The following CDH13 variants were observed in gnomAD, a reference collection of about 807,000 sequenced individuals.
CDH13 encodes cadherin 13.
A neutral mutation model predicts 63.8 loss-of-function variants in CDH13; 24 were observed. The ratio of observed to expected loss-of-function variants is 0.38; its 90% confidence interval spans 0.27 to 0.53. The LOEUF (loss-of-function observed/expected upper bound fraction) is 0.53. Among genes scored for constraint, CDH13 ranks in the 20% least tolerant of loss-of-function variants. The pLI is 0.85. For missense variants in CDH13, 1,049 were observed against 903.1 expected (o/e 1.16, Z -2.07); for synonymous variants, 503 against 355.3 (o/e 1.42, Z -4.67).
intron 11 of CDH13, among the ~76,000 whole-genome samples, chr16:83,779,406 C>CAAAAAAAAAAAAAAAA: frequency 1.2e-5 from 1 of 82,580 alleles, no homozygotes; most frequent in Non-Finnish European, 2.0e-5. Context: ...GACTCCATCT[C>CAAAAAAAAAAAAAAAA]AAAAAAAAAA....
chr16:83,606,027 C>T (rs1460201814), intron 8 of CDH13, among the ~76,000 whole-genome samples: 1 of 152,142 alleles, frequency 6.6e-6, no homozygotes, highest in Non-Finnish European at 1.5e-5. Flanking sequence ...ATGCAGTGGC[C>T]TCTAGGATAT....
intron 5 of CDH13, among the ~76,000 whole-genome samples, chr16:83,233,817 C>G (rs1168111895): frequency 2.6e-5 from 4 of 152,140 alleles, no homozygotes; most frequent in Non-Finnish European, 5.9e-5. Context: ...TACCATGTAA[C>G]CTAACATAGT....
At chr16:83,680,537 T>G (rs1007273785) in intron 10 of CDH13, among the ~76,000 whole-genome samples, 1 of 151,990 alleles carries the variant, frequency 6.6e-6, no homozygotes, top group African/African-American at 2.4e-5. Flanking sequence ...AGGCCAAGAT[T>G]TGAGCCATGG....
At chr16:83,060,073 C>G (rs999940916) in intron 3 of CDH13, among the ~76,000 whole-genome samples, 1 of 152,072 alleles carries the variant, frequency 6.6e-6, no homozygotes, top group East Asian at 1.9e-4. Flanking sequence ...GGATTACAAA[C>G]GTGAGCCACC....
intron 3 of CDH13, among the ~76,000 whole-genome samples, chr16:83,073,443 T>A (rs527771657): frequency 6.6e-6 from 1 of 151,646 alleles, no homozygotes; most frequent in African/African-American, 2.4e-5. Context: ...ATCTTGACCT[T>A]TTTCTGTATT....
intron 6 of CDH13, among the ~76,000 whole-genome samples, chr16:83,355,223 A>T (rs963220931): frequency 2.0e-5 from 3 of 152,262 alleles, no homozygotes; most frequent in African/African-American, 7.2e-5. Flanking sequence ...AAGAGATCAC[A>T]TAAAATTTTT....
At chr16:83,130,244 AT>A (rs1447193556) in intron 4 of CDH13, among the ~76,000 whole-genome samples, 1 of 152,170 alleles carries the variant, frequency 6.6e-6, no homozygotes, top group African/African-American at 2.4e-5. Context: ...CATGAGGATC[AT>A]TTTCCAGCAT....
At chr16:83,177,422 A>T (rs189373763) in intron 4 of CDH13, among the ~76,000 whole-genome samples, 3 of 152,282 alleles carry the variant, frequency 2.0e-5, no homozygotes, top group East Asian at 3.9e-4. Context: ...AACATCAATC[A>T]CTTTCCTCAA....
chr16:83,585,935 C>T (rs1906114155), intron 7 of CDH13, among the ~76,000 whole-genome samples: 1 of 152,102 alleles, frequency 6.6e-6, no homozygotes, highest in African/African-American at 2.4e-5. Flanking sequence ...GGGTTTCTAT[C>T]CCAGTGCCAC....
At chr16:83,033,304 G>T (rs956413233) in intron 3 of CDH13, among the ~76,000 whole-genome samples, 1 of 151,212 alleles carries the variant, frequency 6.6e-6, no homozygotes, top group Admixed American at 6.6e-5. Context: ...TTACGGTTCT[G>T]TATATATATA....
At chr16:83,614,916 T>C (rs557069347) in intron 8 of CDH13, among the ~76,000 whole-genome samples, 2 of 152,316 alleles carry the variant, frequency 1.3e-5, no homozygotes, top group East Asian at 3.9e-4. Flanking sequence ...ATGTTTGAAG[T>C]GTCTCCTACT....
At chr16:83,423,111 C>A (rs2071765751) in intron 6 of CDH13, among the ~76,000 whole-genome samples, 1 of 152,086 alleles carries the variant, frequency 6.6e-6, no homozygotes, top group South Asian at 2.1e-4. Flanking sequence ...ATGTGTTTCC[C>A]CCCATTTTCT....
chr16:83,042,587 A>C (rs1034941415), intron 3 of CDH13, among the ~76,000 whole-genome samples: 2 of 152,248 alleles, frequency 1.3e-5, no homozygotes, highest in African/African-American at 4.8e-5. Context: ...AATGCACTTG[A>C]ATCATCCCAA....
chr16:83,069,918 C>T (rs1046251093), intron 3 of CDH13, among the ~76,000 whole-genome samples: 7 of 152,060 alleles, frequency 4.6e-5, no homozygotes, highest in Non-Finnish European at 8.8e-5. Context: ...AGACAGAAAT[C>T]GGCAATCAGT....
At chr16:83,294,680 T>A (rs1050328623) in intron 5 of CDH13, among the ~76,000 whole-genome samples, 1 of 151,918 alleles carries the variant, frequency 6.6e-6, no homozygotes, top group Non-Finnish European at 1.5e-5. Context: ...ACAAGGGAAG[T>A]GAATGATCTT....
chr16:83,591,567 T>C lies in CDH13; in HGVS notation c.961-10887T>C, dbSNP rs190815028. Among the ~76,000 whole-genome samples the C allele has an allele frequency of 1.8e-3, 268 of 152,290 alleles. 1 individual carries two copies. The highest frequency in any genetic ancestry group is 6.1e-3 in the African/African-American group (253 of 41,576). On this transcript the variant is annotated intron_variant, in intron 7 of 13. Transcript: ENST00000567109. Reference sequence around the variant, plus strand: ...TCACAAACCTTGACTCCAGGCACGCTGGTGGCCCTGTTGCAGCCTGATGTC... The same window carrying C: ...TCACAAACCTTGACTCCAGGCACGCCGGTGGCCCTGTTGCAGCCTGATGTC...
At chr16:83,562,498 G>C (rs894970208) in intron 7 of CDH13, among the ~76,000 whole-genome samples, 1 of 152,148 alleles carries the variant, frequency 6.6e-6, no homozygotes. Flanking sequence ...ATTTCTATTT[G>C]CCTATTTCAT....
intron 5 of CDH13, among the ~76,000 whole-genome samples, chr16:83,256,840 ATC>A (rs1449344621): frequency 4.4e-5 from 2 of 45,304 alleles, no homozygotes; most frequent in Non-Finnish European, 8.4e-5. Flanking sequence ...GCGAGACTCC[ATC>A]TCAAAAAAAA....
intron 2 of CDH13, among the ~76,000 whole-genome samples, chr16:82,976,905 G>T (rs375148276): frequency 1.3e-5 from 2 of 152,164 alleles, no homozygotes; most frequent in African/African-American, 4.8e-5. Context: ...ATCTTCTCCA[G>T]TTGACAAAAG....
Sources: gnomAD v4.1 joint callset for allele counts (sites outside exome capture counted in the v4.1 genomes callset) on GRCh38, gnomAD v4.1.1 for gene constraint, MANE v1.5 for transcripts, NCBI Gene and HGNC (gene_info 2026-07-23, HGNC 2026-07-21) for gene names.